The following SF3B3 variants were observed in gnomAD, a reference collection of about 807,000 sequenced individuals.
SF3B3 encodes the protein SAP 130.
SF3B3 carries 33 observed loss-of-function variants against 139.2 expected under a neutral mutation model. The ratio of observed to expected loss-of-function variants is 0.24; its 90% CI spans 0.18 to 0.32. SF3B3 has a LOEUF of 0.32. Among genes scored for constraint, SF3B3 ranks in the 10% least tolerant of loss-of-function variants. The pLI, the probability that SF3B3 is intolerant of heterozygous loss-of-function variation, is 1.00. For missense variants in SF3B3, 818 were observed against 1,509.4 expected (o/e 0.54, Z 7.59); for synonymous variants, 596 against 563.6 (o/e 1.06, Z -0.81).
At chr16:70,536,492 G>A (rs1177523187) in intron 6 of SF3B3, among the ~76,000 whole-genome samples, 2 of 151,838 alleles carry the variant, frequency 1.3e-5, no homozygotes, top group Non-Finnish European at 2.9e-5. Flanking sequence ...AGCCTCTCGG[G>A]TAGCTGGGAC....
intron 8 of SF3B3, among the ~76,000 whole-genome samples, chr16:70,539,846 G>A (rs1388963602): frequency 4.7e-5 from 7 of 148,760 alleles, no homozygotes; most frequent in Non-Finnish European, 3.0e-5. Context: ...GTGTGATCTC[G>A]GCTCACCGCA....
intron 9 of SF3B3, among the ~76,000 whole-genome samples, chr16:70,543,818 G>A (rs959481805): frequency 6.6e-6 from 1 of 151,846 alleles, no homozygotes; most frequent in African/African-American, 2.4e-5. Flanking sequence ...ATCTGGATCC[G>A]ATCTGAATAA....
chr16:70,567,372 G>C (rs762217001), intron 20 of SF3B3, 39 bp from the exon 21 acceptor site: 2 of 1,586,756 alleles, frequency 1.3e-6, no homozygotes, highest in South Asian at 2.3e-5. Flanking sequence ...TGTCTGGCTG[G>C]CATTTATAAT....
intron 15 of SF3B3, among the ~76,000 whole-genome samples, chr16:70,559,391 T>G (rs939508017): frequency 6.6e-5 from 10 of 152,102 alleles, no homozygotes; most frequent in African/African-American, 2.4e-4. Context: ...TTTGCTGTTT[T>G]TTAGAGTAAC....
chr16:70,569,273 T>C, intron 23 of SF3B3, 132 bp downstream of exon 23: 1 of 606,392 alleles, frequency 1.6e-6, no homozygotes, highest in East Asian at 3.0e-5. Context: ...TCCACAGTCC[T>C]TTCTTACCAA....
In SF3B3 at chr16:70,523,896, G is replaced by C. The variant is rs2050017865; in HGVS notation, c.-103G>C. ...TAAGTTTTGAAGGGAGGTAGCATCCGTTGGATATCCACACCATCCTTCTCG... is the reference window on the plus strand; with the variant it reads ...TAAGTTTTGAAGGGAGGTAGCATCCCTTGGATATCCACACCATCCTTCTCG... On this transcript the variant is annotated 5_prime_UTR_variant, in exon 1 of 26. Transcript: ENST00000302516. 2.1e-6 allele frequency: 1 copy of C among 484,270 alleles called. No individual in the cohort carries two copies. Among genetic ancestry groups the C allele is most frequent in the South Asian group, 3.9e-5 (1 of 25,904 alleles). The allele number at this position is 484,270 out of a possible 1,614,324, so 30.0% of individuals were successfully genotyped here. A position where few individuals can be genotyped will look rare whatever the true frequency, so the allele number is the denominator to read the frequency against.
At chr16:70,538,977 C>A in intron 7 of SF3B3, 127 bp from the exon 8 acceptor site, 1 of 703,874 alleles carries the variant, frequency 1.4e-6, no homozygotes, top group South Asian at 1.6e-5. Flanking sequence ...GGCCCATGAG[C>A]CGGAGTTTGT....
chr16:70,570,996 G>T (rs895520088), intron 24 of SF3B3, 99 bp from the exon 25 acceptor site: 1 of 798,568 alleles, frequency 1.3e-6, no homozygotes, highest in South Asian at 1.4e-5. Context: ...GTGTGTTTGT[G>T]TAGTAAAAAT....
intron 6 of SF3B3, among the ~76,000 whole-genome samples, chr16:70,535,912 C>G (rs1173977738): frequency 6.6e-6 from 1 of 151,870 alleles, no homozygotes; most frequent in African/African-American, 2.4e-5. Context: ...ACTTTCTAGG[C>G]TAAGCAATTT....
intron 4 of SF3B3, 114 bp from the exon 5 acceptor site, chr16:70,532,365 A>AAAAAAAAAAG: frequency 1.2e-6 from 1 of 832,816 alleles, no homozygotes. Context: ...TCCAAAAAAA[A>AAAAAAAAAAG]AAGAAGACAT....
chr16:70,559,903 C>CT lies in SF3B3; in HGVS notation c.2011-557dup, dbSNP rs930316107. Among the ~76,000 whole-genome samples the CT allele has an allele frequency of 2.8e-3, 388 of 137,114 alleles. 1 individual carries two copies. The highest frequency in any genetic ancestry group is 4.5e-3 in the Non-Finnish European group (282 of 63,298). 90.0% of individuals were successfully genotyped at this position (137,114 alleles called of 152,430 possible). A position where few individuals can be genotyped will look rare whatever the true frequency, so the allele number is the denominator to read the frequency against. On this transcript the variant is annotated intron_variant, in intron 15 of 25. Transcript: ENST00000302516. ...AGATGTGAGCCACCTCACCTGGCTT[C>CT]TTTTTTTTTGAGGGGTGCGGGGGGG...
At position 70,567,499 on chromosome 16, in the gene SF3B3, T is replaced by C; in HGVS notation, c.2915T>C (p.Leu972Pro). The change falls in exon 21 of 26, where the codon CTG becomes CCG. Residue 972 changes from leucine (L) to proline (P), a missense_variant. Leu to Pro is a moderately conservative substitution (Grantham distance 98, BLOSUM62 -3). Transcript: ENST00000302516. The stretch of plus-strand genomic sequence containing the variant: ...GGGAAGCTGTTGCGTGTCTATGACC[T>C]GGGAAAGAAGAAGTTACTCCGAAAA... ...GVGKLLRVYD[L>P]GKKKLLRKCE... 6.2e-7 allele frequency: 1 copy of C among 1,614,014 alleles called. No homozygotes were observed.
intron 15 of SF3B3, among the ~76,000 whole-genome samples, chr16:70,558,660 G>T (rs2050400320): frequency 6.6e-6 from 1 of 152,080 alleles, no homozygotes; most frequent in Non-Finnish European, 1.5e-5. Flanking sequence ...GCAGTGGTGT[G>T]ATCTCAGCTC....
In SF3B3 at chr16:70,568,364, G is replaced by A. The variant is rs563604773; in HGVS notation, c.3034G>A (p.Val1012Ile). ...VSDVQESFIW[V>I]RYKRNENQLI... ...TGATGTCCAAGAAAGTTTCATCTGGGTTCGCTACAAGCGTAATGAAAACCA... is the reference window on the plus strand; with the variant it reads ...TGATGTCCAAGAAAGTTTCATCTGGATTCGCTACAAGCGTAATGAAAACCA... Residue 1012 changes from valine (V) to isoleucine (I), a missense_variant, in exon 22 of 26, where the codon GTT (valine) becomes ATT (isoleucine). Physicochemically the swap from Val to Ile is conservative, Grantham distance 29. This residue lies in a region of SF3B3 where 91 missense variants were observed against 171.8 expected (regional missense o/e 0.53). Coordinates refer to ENST00000302516, the MANE Select transcript of SF3B3 (RefSeq NM_012426.5). The A allele has an allele frequency of 1.2e-6, 2 of 1,613,968 alleles. No individual in the cohort carries two copies. Among genetic ancestry groups the A allele is most frequent in the East Asian group, 2.2e-5 (1 of 44,880 alleles).
chr16:70,568,518 G>T, intron 22 of SF3B3, 23 bp downstream of exon 22: 1 of 1,587,132 alleles, frequency 6.3e-7, no homozygotes, highest in East Asian at 2.2e-5. Flanking sequence ...TGTTAACTTG[G>T]GTTACAGTGA....
chr16:70,557,160 A>C, intron 15 of SF3B3, 131 bp downstream of exon 15: 4 of 935,004 alleles, frequency 4.3e-6, no homozygotes, highest in Non-Finnish European at 4.7e-6. Context: ...GAACAGTGTC[A>C]CTCTGGGTTC....
At position 70,550,025 on chromosome 16, in the gene SF3B3, G is replaced by T. The variant is rs77708490; in HGVS notation, c.1402+1583G>T. On this transcript the variant is annotated intron_variant, in intron 11 of 25. Transcript: ENST00000302516. Reference sequence around the variant, plus strand: ...TAGGGGTTGAGTGTCTCAAGACACAGTCTAGGTAATGGGGACAGAATATCC... The same window carrying T: ...TAGGGGTTGAGTGTCTCAAGACACATTCTAGGTAATGGGGACAGAATATCC... Among the ~76,000 whole-genome samples the T allele has an allele frequency of 9.9e-3, 1,506 of 152,296 alleles. 9 individuals are homozygous for T. The highest frequency in any genetic ancestry group is 0.015 in the Non-Finnish European group (1,026 of 68,034).
chr16:70,536,816 T>C (rs2050173184), intron 6 of SF3B3, among the ~76,000 whole-genome samples: 1 of 149,318 alleles, frequency 6.7e-6, no homozygotes, highest in South Asian at 2.1e-4. Flanking sequence ...TCTTTTTTTT[T>C]TTTTTTTTTT....
In SF3B3 at chr16:70,572,088, A is replaced by G. The variant is rs1452389977; in HGVS notation, c.*275A>G. On this transcript the variant is annotated 3_prime_UTR_variant, in exon 26 of 26. Coordinates refer to ENST00000302516, the MANE Select transcript of SF3B3 (RefSeq NM_012426.5). Reference sequence around the variant, plus strand: ...CCTGAGTCCCCCATTCCCCAAAGCCATCCCTGCATTGATATGTCTTGACTC... The same window carrying G: ...CCTGAGTCCCCCATTCCCCAAAGCCGTCCCTGCATTGATATGTCTTGACTC... The G allele has an allele frequency of 2.0e-5, 12 of 606,794 alleles. No homozygotes were observed. Among genetic ancestry groups the G allele is most frequent in the Non-Finnish European group, 3.1e-5 (10 of 323,988 alleles). The allele number at this position is 606,794 out of a possible 1,614,324, so 37.6% of individuals were successfully genotyped here. A position where few individuals can be genotyped will look rare whatever the true frequency, so the allele number is the denominator to read the frequency against.
Sources: allele counts gnomAD v4.1 joint callset (sites outside exome capture counted in the v4.1 genomes callset), GRCh38; gene constraint gnomAD v4.1.1; regional missense constraint gnomAD v4.1.1; transcripts MANE v1.5; gene names NCBI Gene and HGNC (gene_info 2026-07-23, HGNC 2026-07-21).